The following BCR variants were observed in gnomAD, a reference collection of about 807,000 sequenced individuals.
BCR encodes breakpoint cluster region protein.
Under a neutral mutation model 138.6 loss-of-function variants are expected in BCR, and 58 were observed. The observed-to-expected ratio is 0.42, with a 90% CI of 0.34 to 0.52. BCR has a LOEUF of 0.52. BCR is among the 20% of genes least tolerant of loss of function. BCR has a pLI of 0.06. For missense variants in BCR, 1,599 were observed against 1,727.2 expected (o/e 0.93, Z 1.32); for synonymous variants, 786 against 730.1 (o/e 1.08, Z -1.23).
chr22:23,243,307 T>G (rs1332335908), intron 1 of BCR, among the ~76,000 whole-genome samples: 4 of 152,080 alleles, frequency 2.6e-5, no homozygotes, highest in African/African-American at 4.8e-5. Context: ...CCCTGAACTC[T>G]GGGGATGGGG....
At position 23,199,829 on chromosome 22, in the gene BCR, G is replaced by A. The variant is rs947175161; in HGVS notation, c.1279+17590G>A. 3.9e-5 allele frequency among the ~76,000 whole-genome samples: 6 copies of A among 152,248 alleles called. No homozygotes were observed. The East Asian group carries it at 1.2e-3, about 29-fold the overall frequency. On this transcript the variant is annotated intron_variant, in intron 1 of 22. Transcript: ENST00000305877. The stretch of plus-strand genomic sequence containing the variant: ...GGCGGGGCCAGGCGCGATGGCTCAC[G>A]CCTGTAATCCCAGCACTTTGGGAGG...
At chr22:23,310,941 C>A (rs1426722677) in intron 18 of BCR, among the ~76,000 whole-genome samples, 13 of 151,110 alleles carry the variant, frequency 8.6e-5, no homozygotes, top group African/African-American at 2.9e-4. Context: ...CGCCCCACCC[C>A]CAACTGCACG....
rs536988657 is a variant in BCR at position 23,273,840 on chromosome 22, C to A, written c.2115+66C>A. 14 of 1,595,180 alleles carry A rather than the reference C, an allele frequency of 8.8e-6. No individual in the cohort carries two copies. In the Admixed American group the frequency reaches 2.3e-4, roughly 27 times the overall value. ...TGAGCTGGGGGCATGCAGGGCCCCTCGATCTGAGGTCTGGAGCCCTTCCTG... is the reference window on the plus strand; with the variant it reads ...TGAGCTGGGGGCATGCAGGGCCCCTAGATCTGAGGTCTGGAGCCCTTCCTG... On this transcript the variant is annotated intron_variant, in intron 8 of 22. Transcript: ENST00000305877.
At chr22:23,240,782 C>G (rs1481013988) in intron 1 of BCR, among the ~76,000 whole-genome samples, 1 of 152,170 alleles carries the variant, frequency 6.6e-6, no homozygotes, top group Non-Finnish European at 1.5e-5. Context: ...CTGTCCATCT[C>G]CAGAACTTTT....
chr22:23,250,143 G>T (rs1431485044), intron 1 of BCR, among the ~76,000 whole-genome samples: 1 of 152,232 alleles, frequency 6.6e-6, no homozygotes, highest in Admixed American at 6.5e-5. Context: ...GAGTCTTACA[G>T]TTACTCTGAA....
At chr22:23,263,284 C>G (rs964678156) in intron 4 of BCR, 1 of 1,134,996 alleles carries the variant, frequency 8.8e-7, no homozygotes, top group African/African-American at 1.5e-5. Flanking sequence ...GGCCGCCTGG[C>G]CCAGGTGTAC....
At chr22:23,252,384 GACGGTA>G in intron 1 of BCR, among the ~76,000 whole-genome samples, 1 of 151,890 alleles carries the variant, frequency 6.6e-6, no homozygotes, top group East Asian at 1.9e-4. Flanking sequence ...CTGACATCAA[GACGGTA>G]ACGGTAACAT....
In BCR at chr22:23,310,341, G is replaced by A. The variant is rs766103643; in HGVS notation, c.3090G>A (p.Ser1030=). 5.7e-5 allele frequency: 80 copies of A among 1,401,054 alleles called. 3 individuals carry two copies. Among genetic ancestry groups the A allele is most frequent in the East Asian group, 2.6e-4 (11 of 41,894 alleles). The allele number at this position is 1,401,054 out of a possible 1,614,324, so 86.8% of individuals were successfully genotyped here. ...TACTGTAGATCGAAGTAAAGCTCTC[G>A]GTCAAGTTCAACAGCAGGGAGTTCA... ...IAMNGIEVKL[S]VKFNSREFSL... is the part of the protein sequence containing the mutation. Residue 1030 remains serine, a synonymous_variant, in exon 18 of 23, where the codon TCG becomes TCA. Transcript: ENST00000305877.
At chr22:23,199,481 C>G in intron 1 of BCR, 1 of 378,080 alleles carries the variant, frequency 2.6e-6, no homozygotes, top group Non-Finnish European at 5.2e-6. Context: ...TGTTTTCACT[C>G]CTCAGGAAGC....
At chr22:23,205,261 C>A (rs1261887909) in intron 1 of BCR, among the ~76,000 whole-genome samples, 1 of 152,134 alleles carries the variant, frequency 6.6e-6, no homozygotes, top group Admixed American at 6.5e-5. Flanking sequence ...GGAAGGATAC[C>A]GGCACTGAAC....
At position 23,271,524 on chromosome 22, in the gene BCR, C is replaced by T; in HGVS notation, c.1861-8C>T. 6.2e-7 allele frequency: 1 copy of T among 1,613,998 alleles called. No homozygotes were observed. Among genetic ancestry groups the T allele is most frequent in the Non-Finnish European group, 8.5e-7 (1 of 1,179,952 alleles). ...CATCTGTGTGAACATGCGCTTTTCT[C>T]TCTGCAGAACCTGAGAGCCAGAAGC... is the stretch of plus-strand genomic sequence containing the variant. On this transcript the variant is annotated splice_region_variant and splice_polypyrimidine_tract_variant and intron_variant, in intron 5 of 22. Transcript: ENST00000305877.
chr22:23,207,287 G>C (rs557430507), intron 1 of BCR, among the ~76,000 whole-genome samples: 1 of 152,220 alleles, frequency 6.6e-6, no homozygotes, highest in African/African-American at 2.4e-5. Context: ...GACTGACTCT[G>C]CTGGGTTAGC....
At chr22:23,216,338 A>G (rs773046247) in intron 1 of BCR, among the ~76,000 whole-genome samples, 33 of 152,316 alleles carry the variant, frequency 2.2e-4, no homozygotes, top group Non-Finnish European at 3.1e-4. Context: ...ACCCTAGGGC[A>G]TTTTCCTAAG....
At chr22:23,220,496 G>C (rs572545771) in intron 1 of BCR, among the ~76,000 whole-genome samples, 15 of 152,310 alleles carry the variant, frequency 9.8e-5, no homozygotes, top group Admixed American at 3.9e-4. Flanking sequence ...TGAAAACATG[G>C]GAATCCCTGA....
At position 23,237,574 on chromosome 22, in the gene BCR, T is replaced by C. The variant is rs540079656; in HGVS notation, c.1280-16225T>C. On this transcript the variant is annotated intron_variant, in intron 1 of 22. Coordinates refer to ENST00000305877, the MANE Select transcript of BCR (RefSeq NM_004327.4). ...TTTTCTGGCTCGTTCCTCAGCTGTTTTCTGTGGCCTGCAGAGTTTGCAGCC... is the reference window on the plus strand; with the variant it reads ...TTTTCTGGCTCGTTCCTCAGCTGTTCTCTGTGGCCTGCAGAGTTTGCAGCC... Among the ~76,000 whole-genome samples the C allele has an allele frequency of 2.0e-5, 3 of 152,356 alleles. No individual in the cohort carries two copies. The East Asian group carries it at 5.8e-4, about 29-fold the overall frequency.
chr22:23,301,761 C>T (rs1237242536), intron 16 of BCR, among the ~76,000 whole-genome samples: 1 of 152,128 alleles, frequency 6.6e-6, no homozygotes, highest in Non-Finnish European at 1.5e-5. Flanking sequence ...TCTTGGGGAC[C>T]CCCCCGCCAG....
At chr22:23,294,480 A>G (rs1353120720) in intron 15 of BCR, among the ~76,000 whole-genome samples, 4 of 152,194 alleles carry the variant, frequency 2.6e-5, no homozygotes, top group African/African-American at 7.2e-5. Context: ...GGCTTACTGC[A>G]GCCTCCGCCT....
chr22:23,216,643 T>C (rs1273076217), intron 1 of BCR, among the ~76,000 whole-genome samples: 2 of 152,256 alleles, frequency 1.3e-5, no homozygotes, highest in Admixed American at 1.3e-4. Context: ...TGCGATTTAA[T>C]CGCAGTGCCA....
At chr22:23,262,997 C>A in intron 4 of BCR, 1 of 861,204 alleles carries the variant, frequency 1.2e-6, no homozygotes, top group Non-Finnish European at 1.6e-6. Context: ...GCGTAGGGGC[C>A]GGGAAAGAGG....
Sources: allele counts gnomAD v4.1 joint callset (sites outside exome capture counted in the v4.1 genomes callset), GRCh38; gene constraint gnomAD v4.1.1; transcripts MANE v1.5; gene names NCBI Gene and HGNC (gene_info 2026-07-23, HGNC 2026-07-21).